PPHLN1: variants seen among roughly 807,000 people sequenced by gnomAD.
The protein encoded by PPHLN1 is periphilin-1.
A neutral mutation model predicts 51.3 loss-of-function variants in PPHLN1; 29 were observed. The ratio of observed to expected loss-of-function variants is 0.57; its 90% CI spans 0.42 to 0.77. PPHLN1 has a LOEUF of 0.77. PPHLN1 is among the 30% of genes least tolerant of loss of function. The probability of loss-of-function intolerance (pLI) is 0.00; values close to 1 mark genes in which losing one functional copy is unlikely to be tolerated. For synonymous variants in PPHLN1, 147 were observed against 147.8 expected, an observed-to-expected ratio of 0.99 and a Z score of 0.04; for missense variants, 436 against 438.4, an observed-to-expected ratio of 0.99 and a Z score of 0.05.
At chr12:42,399,502 T>A in intron 9 of PPHLN1, 1 of 826,448 alleles carries the variant, frequency 1.2e-6, no homozygotes, top group Non-Finnish European at 1.5e-6. Flanking sequence ...TTTCATTTTA[T>A]GAGGATTAAA....
At chr12:42,427,029 A>G (rs2081564119) in intron 9 of PPHLN1, among the ~76,000 whole-genome samples, 1 of 152,154 alleles carries the variant, frequency 6.6e-6, no homozygotes, top group Admixed American at 6.5e-5. Context: ...TTCTCAAACC[A>G]ATGTAAGACT....
At chr12:42,329,677 A>T (rs1053100324) in intron 1 of PPHLN1, 1 of 152,216 alleles carries the variant, frequency 6.6e-6, no homozygotes, top group Admixed American at 6.5e-5. Flanking sequence ...ATCTTAGATT[A>T]TTAGTGCTAA....
chr12:42,416,179 A>G (rs764541338), intron 9 of PPHLN1, among the ~76,000 whole-genome samples: 3 of 152,126 alleles, frequency 2.0e-5, no homozygotes, highest in Non-Finnish European at 4.4e-5. Flanking sequence ...CGCCTCCTGT[A>G]CAAATCTCGC....
chr12:42,374,628 G>GT, intron 4 of PPHLN1: 1 of 71,370 alleles, frequency 1.4e-5, no homozygotes, highest in East Asian at 3.0e-4. Flanking sequence ...TTTTTTTTTT[G>GT]TATTTTTAGT....
chr12:42,341,756 G>C (rs2071538927), intron 2 of PPHLN1, among the ~76,000 whole-genome samples: 1 of 152,022 alleles, frequency 6.6e-6, no homozygotes, highest in Non-Finnish European at 1.5e-5. Flanking sequence ...CGAGTAGCTG[G>C]GACTATAGGC....
intron 4 of PPHLN1, chr12:42,355,602 T>G: frequency 6.7e-6 from 1 of 150,002 alleles, no homozygotes; most frequent in South Asian, 1.8e-4. Context: ...GAAAAAAAAA[T>G]TAGCTGGGCA....
chr12:42,346,341 T>C (rs1466642662), intron 2 of PPHLN1, among the ~76,000 whole-genome samples: 1 of 152,032 alleles, frequency 6.6e-6, no homozygotes, highest in Non-Finnish European at 1.5e-5. Context: ...AATATTTTTT[T>C]GTGTGTGTAT....
At chr12:42,425,128 T>G (rs1428782488) in intron 9 of PPHLN1, among the ~76,000 whole-genome samples, 1 of 152,080 alleles carries the variant, frequency 6.6e-6, no homozygotes, top group Non-Finnish European at 1.5e-5. Context: ...CTGCCCAGGC[T>G]GAAGTGCAGT....
chr12:42,340,648 C>CAA (rs1191518188), intron 2 of PPHLN1, among the ~76,000 whole-genome samples: 1 of 152,166 alleles, frequency 6.6e-6, no homozygotes, highest in Admixed American at 6.5e-5. Context: ...AAAGTGGTTT[C>CAA]TTTTGGGAAG....
At chr12:42,429,159 TTA>T (rs1459258752) in intron 9 of PPHLN1, among the ~76,000 whole-genome samples, 6 of 152,192 alleles carry the variant, frequency 3.9e-5, no homozygotes, top group East Asian at 3.8e-4. Context: ...TTTAGCCTTT[TTA>T]TATGTTTTGC....
intron 7 of PPHLN1, among the ~76,000 whole-genome samples, chr12:42,391,390 C>T (rs1374918696): frequency 6.6e-6 from 1 of 152,090 alleles, no homozygotes; most frequent in African/African-American, 2.4e-5. Flanking sequence ...AGGCGCCTGC[C>T]ACCACACCTG....
chr12:42,408,610 G>T (rs1389722470), intron 9 of PPHLN1, among the ~76,000 whole-genome samples: 1 of 152,138 alleles, frequency 6.6e-6, no homozygotes, highest in African/African-American at 2.4e-5. Flanking sequence ...TTAATAATAT[G>T]TGTCTTTGGG....
downstream of PPHLN1, chr12:42,448,358 A>ATTTTTTTTT (rs34304769): frequency 1.5e-5 from 2 of 131,600 alleles, no homozygotes; most frequent in African/African-American, 2.8e-5. Context: ...AATCTATTTG[A>ATTTTTTTTT]TTTTTTTTTT....
At chr12:42,446,121 G>T (rs201876048), downstream of PPHLN1, 7 of 1,563,136 alleles carry the variant, frequency 4.5e-6, no homozygotes, top group Admixed American at 1.9e-5. Context: ...AAACGGGTTC[G>T]TCGGACGACA....
intron 2 of PPHLN1, among the ~76,000 whole-genome samples, chr12:42,338,641 A>G (rs950311536): frequency 6.6e-6 from 1 of 152,224 alleles, no homozygotes; most frequent in African/African-American, 2.4e-5. Context: ...CAATGAGAAT[A>G]GAGAGCTAGT....
intron 5 of PPHLN1, among the ~76,000 whole-genome samples, chr12:42,383,125 A>C (rs17091151): frequency 0.028 from 4,251 of 152,346 alleles, 218 homozygotes; most frequent in African/African-American, 0.097. Flanking sequence ...GGGAATCTGT[A>C]ATTATATGTG....
intron 4 of PPHLN1, among the ~76,000 whole-genome samples, chr12:42,357,489 G>A (rs1033526014): frequency 6.6e-6 from 1 of 152,132 alleles, no homozygotes; most frequent in Admixed American, 6.5e-5. Flanking sequence ...AGTAGCAGTG[G>A]CATTACAAAT....
rs946525495 is a variant in PPHLN1 at position 42,398,623 on chromosome 12, C to T, written c.769-231C>T. On this transcript the variant is annotated intron_variant, in intron 8 of 9. Coordinates refer to ENST00000358314, the MANE Select transcript of PPHLN1 (RefSeq NM_201439.2). ...GCGTGGCCCCTGCACAAGGATGGCACGCAAATTCATGAAGTGTTCCATATT... is the reference window on the plus strand; with the variant it reads ...GCGTGGCCCCTGCACAAGGATGGCATGCAAATTCATGAAGTGTTCCATATT... The T allele has an allele frequency of 7.6e-5, 26 of 343,652 alleles. 1 individual carries two copies. The highest frequency in any genetic ancestry group is 1.6e-3 in the Middle Eastern group (2 of 1,252). 21.3% of individuals were successfully genotyped at this position (343,652 alleles called of 1,614,324 possible).
At chr12:42,362,008 TTC>T (rs2074746635) in intron 4 of PPHLN1, among the ~76,000 whole-genome samples, 1 of 152,218 alleles carries the variant, frequency 6.6e-6, no homozygotes, top group Non-Finnish European at 1.5e-5. Flanking sequence ...ATGTATAAAG[TTC>T]CCAGTTGCTC....
Sources: gnomAD v4.1 joint callset for allele counts (sites outside exome capture counted in the v4.1 genomes callset) on GRCh38, gnomAD v4.1.1 for gene constraint, MANE v1.5 for transcripts, NCBI Gene and HGNC (gene_info 2026-07-23, HGNC 2026-07-21) for gene names.